The following ZNF254 variants were observed in gnomAD, a reference collection of about 807,000 sequenced individuals.
ZNF254 encodes the protein CTD-2017D11.1.
In ZNF254, 10 loss-of-function variants were observed where a neutral mutation model predicts 12.4. That is an observed-to-expected ratio of 0.80 (90% confidence interval 0.50 to 1.36). The LOEUF (loss-of-function observed/expected upper bound fraction) is 1.36. Among genes scored for constraint, ZNF254 ranks in the 40% most tolerant of loss-of-function variants. ZNF254 has a pLI of 0.00. For missense variants in ZNF254, 996 were observed against 763.9 expected (o/e 1.30, Z -3.58); for synonymous variants, 305 against 253.4 (o/e 1.20, Z -1.93).
chr19:24,119,082 A>G lies in ZNF254; in HGVS notation c.254-7172A>G, dbSNP rs1342434537. Among the ~76,000 whole-genome samples, 3 of 152,204 alleles carry G rather than the reference A, an allele frequency of 2.0e-5. No homozygotes were observed. In the East Asian group the frequency reaches 5.8e-4, roughly 29 times the overall value. ...ATTGGAGAGCATGCCACCACATTCC[A>G]TCCTGGGCAACAGAATGAGACTCTG... On this transcript the variant is annotated intron_variant, in intron 3 of 3. Coordinates refer to ENST00000357002, the MANE Select transcript of ZNF254 (RefSeq NM_203282.4).
intron 3 of ZNF254, among the ~76,000 whole-genome samples, chr19:24,111,580 G>T (rs1231134735): frequency 4.0e-5 from 6 of 151,522 alleles, no homozygotes; most frequent in Admixed American, 6.6e-5. Context: ...CAGTGTAAAA[G>T]TGTTCCTATT....
chr19:24,088,964 C>CTTTTTTTTT (rs74175785), intron 1 of ZNF254, among the ~76,000 whole-genome samples: 1 of 99,292 alleles, frequency 1.0e-5, no homozygotes. Flanking sequence ...GCCAATTAAT[C>CTTTTTTTTT]TTTTTTTTTT....
chr19:24,127,203 T>C lies in ZNF254; in HGVS notation c.1203T>C (p.Val401=). The C allele has an allele frequency of 1.9e-6, 3 of 1,613,248 alleles. No individual in the cohort carries two copies. Among genetic ancestry groups the C allele is most frequent in the Non-Finnish European group, 2.5e-6 (3 of 1,179,560 alleles). The change falls in exon 4 of 4, where the codon GTT becomes GTC. Residue 401 remains valine (V), a synonymous_variant. Coordinates refer to ENST00000357002, the MANE Select transcript of ZNF254 (RefSeq NM_203282.4). ...STLTTHKIIH[V]GEKLYKCEEC... is the part of the protein sequence containing the mutation. ...TTACTACACATAAAATAATTCATGT[T>C]GGAGAGAAACTCTACAAATGTGAAG... is the stretch of plus-strand genomic sequence containing the variant.
At chr19:24,072,334 G>A (rs1971511607) in intron 2 of ZNF254, among the ~76,000 whole-genome samples, 1 of 151,896 alleles carries the variant, frequency 6.6e-6, no homozygotes, top group East Asian at 1.9e-4. Flanking sequence ...ACCACACCTG[G>A]CTAATTTTTG....
intron 3 of ZNF254, among the ~76,000 whole-genome samples, chr19:24,120,483 T>C (rs181353984): frequency 6.6e-6 from 1 of 152,322 alleles, no homozygotes; most frequent in East Asian, 1.9e-4. Flanking sequence ...TTTATTGTTT[T>C]AAATATTCTA....
intron 2 of ZNF254, among the ~76,000 whole-genome samples, chr19:24,070,057 A>G (rs539708601): frequency 5.9e-5 from 9 of 152,362 alleles, no homozygotes; most frequent in African/African-American, 1.9e-4. Flanking sequence ...ATATGCAAAC[A>G]TCGAGCCAGG....
chr19:24,072,417 C>G (rs549260418), intron 2 of ZNF254, among the ~76,000 whole-genome samples: 1 of 152,272 alleles, frequency 6.6e-6, no homozygotes, highest in African/African-American at 2.4e-5. Flanking sequence ...AGCGATCTAC[C>G]TGCCTCCGCC....
chr19:24,046,611 T>C (rs1568424722), intron 2 of ZNF254, among the ~76,000 whole-genome samples: 1 of 151,930 alleles, frequency 6.6e-6, no homozygotes, highest in Non-Finnish European at 1.5e-5. Flanking sequence ...TCAATAAAAG[T>C]GGGCTGAAAG....
intron 2 of ZNF254, among the ~76,000 whole-genome samples, chr19:24,056,350 G>T (rs532753833): frequency 6.6e-6 from 1 of 152,270 alleles, no homozygotes; most frequent in South Asian, 2.1e-4. Flanking sequence ...CAGGTGTTAT[G>T]ACTCTCTTCT....
At chr19:24,121,122 T>C (rs1003774275) in intron 3 of ZNF254, among the ~76,000 whole-genome samples, 3 of 152,198 alleles carry the variant, frequency 2.0e-5, no homozygotes, top group Non-Finnish European at 4.4e-5. Context: ...GTTTTCATCC[T>C]ATTTTTAAAG....
At chr19:24,041,344 T>A (rs956015284) in intron 1 of ZNF254, among the ~76,000 whole-genome samples, 2 of 152,110 alleles carry the variant, frequency 1.3e-5, no homozygotes, top group African/African-American at 4.8e-5. Flanking sequence ...CGGGGCTGCG[T>A]GCGGCGCTTG....
rs747822795 is a variant in ZNF254, at chr19:24,127,571, G to T, written c.1571G>T (p.Gly524Val). ...AAACCCTACAAATGTGAAGAATGTG[G>T]CAAAGCCTTTAACTGGTCCTCAACT... ...GEKPYKCEECGKAFNWSSTLT... is the reference protein window; with the variant it reads ...GEKPYKCEECVKAFNWSSTLT... Residue 524 changes from glycine (G) to valine (V), a missense_variant, in exon 4 of 4, where the codon GGC (glycine) becomes GTC (valine). Gly to Val is a moderately radical substitution (Grantham distance 109). Coordinates refer to ENST00000357002, the MANE Select transcript of ZNF254 (RefSeq NM_203282.4). 50 of 1,613,430 alleles carry T rather than the reference G, an allele frequency of 3.1e-5. No homozygotes were observed. Among genetic ancestry groups the T allele is most frequent in the Admixed American group, 5.0e-5 (3 of 59,958 alleles).
Position 24,117,427 on chromosome 19 carries a change from G to A in ZNF254, c.254-8827G>A, listed in dbSNP as rs187066849. Among the ~76,000 whole-genome samples the A allele has an allele frequency of 5.7e-3, 870 of 152,264 alleles. 6 individuals carry two copies. Among genetic ancestry groups the A allele is most frequent in the African/African-American group, 0.019 (778 of 41,576 alleles). ...GTGCCCCTCCCCCAGCCTCGCTGCT[G>A]CCTTGCAGTTTGATCTCAGACTGCT... On this transcript the variant is annotated intron_variant, in intron 3 of 3. Transcript: ENST00000357002.
At chr19:24,046,373 T>TTTTATA (rs1555750840) in intron 2 of ZNF254, 5 of 95,508 alleles carry the variant, frequency 5.2e-5, no homozygotes, top group Admixed American at 3.2e-4. Context: ...TTATTATTTT[T>TTTTATA]TATATATATA....
chr19:24,098,769 A>G (rs1209379178), intron 1 of ZNF254: 1 of 152,088 alleles, frequency 6.6e-6, no homozygotes, highest in African/African-American at 2.4e-5. Context: ...TAGAAGCCCT[A>G]TTGGTATCCC....
intron 1 of ZNF254, chr19:24,033,750 T>C (rs2145136954): frequency 4.9e-6 from 1 of 203,202 alleles, no homozygotes; most frequent in Admixed American, 6.0e-5. Context: ...CAGGCCCCTC[T>C]GGCCGCAAGA....
chr19:24,091,022 C>T (rs1384664903), intron 1 of ZNF254, among the ~76,000 whole-genome samples: 2 of 140,954 alleles, frequency 1.4e-5, no homozygotes, highest in Non-Finnish European at 3.0e-5. Context: ...CACTTTGGCT[C>T]ACTGCAACTT....
At chr19:24,042,609 G>T (rs142419561) in intron 1 of ZNF254, among the ~76,000 whole-genome samples, 22 of 152,152 alleles carry the variant, frequency 1.4e-4, no homozygotes, top group Non-Finnish European at 2.6e-4. Flanking sequence ...CTCCAGACGC[G>T]CCACCTTAAG....
chr19:24,099,832 A>G (rs1055833122), intron 1 of ZNF254, among the ~76,000 whole-genome samples: 6 of 152,204 alleles, frequency 3.9e-5, no homozygotes, highest in Non-Finnish European at 8.8e-5. Flanking sequence ...TGTGTAATGA[A>G]ACAATTTTCT....
Sources: allele counts gnomAD v4.1 joint callset (sites outside exome capture counted in the v4.1 genomes callset), GRCh38; gene constraint gnomAD v4.1.1; transcripts MANE v1.5; gene names NCBI Gene and HGNC (gene_info 2026-07-23, HGNC 2026-07-21).